The following RGPD2 variants were observed in gnomAD, a reference collection of about 807,000 sequenced individuals.
RGPD2 encodes the protein RANBP2-like and GRIP domain-containing protein 2.
RGPD2 carries 2 observed loss-of-function variants against 36.0 expected under a neutral mutation model. The observed-to-expected ratio is 0.06, with a 90% CI of 0.02 to 0.17. The LOEUF is 0.17. Among genes scored for constraint, RGPD2 ranks in the 10% least tolerant of loss-of-function variants. RGPD2 has a pLI of 1.00. For missense variants in RGPD2, 40 were observed against 464.3 expected (o/e 0.09, Z 8.40); for synonymous variants, 19 against 163.8 (o/e 0.12, Z 6.75).
the RGPD2 span, among the ~76,000 whole-genome samples, chr2:87,971,914 G>A: frequency 6.6e-6 from 1 of 151,568 alleles, no homozygotes; most frequent in Non-Finnish European, 1.5e-5. Context: ...GTCTTGGTTG[G>A]TACACATCAG....
At chr2:87,845,998 C>T in the RGPD2 span, among the ~76,000 whole-genome samples, 1 of 151,164 alleles carries the variant, frequency 6.6e-6, no homozygotes, top group Non-Finnish European at 1.5e-5. Context: ...TTCTTGATTA[C>T]AATTTCAAAA....
At chr2:87,972,679 C>T in the RGPD2 span, 12 of 1,534,056 alleles carry the variant, frequency 7.8e-6, no homozygotes, top group African/African-American at 2.8e-5. Flanking sequence ...GCAGCGGGAA[C>T]GGCAGCGAGG....
chr2:87,985,790 T>C, the RGPD2 span: 1 of 1,611,166 alleles, frequency 6.2e-7, no homozygotes, highest in South Asian at 1.1e-5. Context: ...AAGTCACAAA[T>C]AAATTCCACT....
At chr2:87,872,975 G>C in the RGPD2 span, among the ~76,000 whole-genome samples, 1 of 152,256 alleles carries the variant, frequency 6.6e-6, no homozygotes, top group Non-Finnish European at 1.5e-5. Flanking sequence ...GGCCAGGCTG[G>C]TCTTGAACTC....
chr2:87,881,470 C>A, the RGPD2 span, among the ~76,000 whole-genome samples: 17 of 151,698 alleles, frequency 1.1e-4, no homozygotes, highest in Non-Finnish European at 2.2e-4. Flanking sequence ...GCAGTTGCTG[C>A]CAAGTTTTCT....
chr2:87,957,854 T>C, the RGPD2 span, among the ~76,000 whole-genome samples: 2 of 152,302 alleles, frequency 1.3e-5, no homozygotes, highest in African/African-American at 2.4e-5. Flanking sequence ...ATTGCTTCAT[T>C]CAAAAGAGAA....
the RGPD2 span, among the ~76,000 whole-genome samples, chr2:87,983,526 G>A: frequency 1.1e-3 from 140 of 123,160 alleles, no homozygotes; most frequent in African/African-American, 4.1e-3. Flanking sequence ...CCTGGAGAGA[G>A]AGAGTAGTAA....
intron 21 of RGPD2, among the ~76,000 whole-genome samples, chr2:87,773,185 C>CT (rs1250440832): frequency 8.2e-6 from 1 of 121,330 alleles, no homozygotes; most frequent in Non-Finnish European, 1.8e-5. Flanking sequence ...ATGTAAAACA[C>CT]TATCAGAGAA....
At chr2:87,877,093 T>A in the RGPD2 span, among the ~76,000 whole-genome samples, 2 of 152,250 alleles carry the variant, frequency 1.3e-5, no homozygotes, top group African/African-American at 4.8e-5. Context: ...ATCCTATCTG[T>A]GTCACTGCAT....
the RGPD2 span, among the ~76,000 whole-genome samples, chr2:87,986,551 A>G: frequency 0.58 from 87,345 of 151,290 alleles, 26,740 homozygotes; most frequent in East Asian, 0.83. Flanking sequence ...GCTCCCCTTC[A>G]CTCTTAAAGA....
chr2:87,843,692 C>A, the RGPD2 span, among the ~76,000 whole-genome samples: 2 of 152,276 alleles, frequency 1.3e-5, no homozygotes, highest in African/African-American at 4.8e-5. Flanking sequence ...TACCATTTAA[C>A]CCAGCCATCC....
intron 22 of RGPD2, among the ~76,000 whole-genome samples, chr2:87,758,314 GAA>G (rs1684804004): frequency 9.8e-6 from 1 of 101,560 alleles, no homozygotes; most frequent in Non-Finnish European, 2.0e-5. Flanking sequence ...CTAAAAGAGA[GAA>G]TGTGTGGAAA....
At chr2:87,878,353 C>T in the RGPD2 span, among the ~76,000 whole-genome samples, 3 of 142,358 alleles carry the variant, frequency 2.1e-5, no homozygotes, top group African/African-American at 5.4e-5. Flanking sequence ...TGAAGGATCT[C>T]GTATTGTGTT....
chr2:87,913,807 G>T, the RGPD2 span, among the ~76,000 whole-genome samples: 2 of 152,044 alleles, frequency 1.3e-5, no homozygotes, highest in African/African-American at 4.8e-5. Context: ...AAAAGATAAA[G>T]AGTGGAGAGT....
chr2:87,956,415 A>G, the RGPD2 span, among the ~76,000 whole-genome samples: 1 of 151,146 alleles, frequency 6.6e-6, no homozygotes, highest in Non-Finnish European at 1.5e-5. Context: ...TTATATATGT[A>G]CGTGTGTGTG....
chr2:87,840,396 C>T, the RGPD2 span, among the ~76,000 whole-genome samples: 3 of 146,036 alleles, frequency 2.1e-5, no homozygotes, highest in Non-Finnish European at 4.5e-5. Context: ...TCTCCAAGAA[C>T]TTTGAGATGA....
At chr2:87,824,788 G>C (rs1162611626) in intron 1 of RGPD2, among the ~76,000 whole-genome samples, 367 of 34,474 alleles carry the variant, frequency 0.011, 12 homozygotes, top group African/African-American at 0.092. Context: ...CCGAGGCCGA[G>C]GCCGAGGCCG....
the RGPD2 span, chr2:87,973,071 GCCC>G: frequency 1.2e-6 from 1 of 867,622 alleles, no homozygotes; most frequent in African/African-American, 2.0e-5. Flanking sequence ...ACCACCCCCC[GCCC>G]CCCGCCTCCG....
chr2:87,866,745 C>T, the RGPD2 span, among the ~76,000 whole-genome samples: 4 of 151,868 alleles, frequency 2.6e-5, no homozygotes, highest in Admixed American at 2.6e-4. Flanking sequence ...AATGGCCATG[C>T]AGGGTGGGAG....
Sources: gnomAD v4.1 joint callset for allele counts (sites outside exome capture counted in the v4.1 genomes callset) on GRCh38, gnomAD v4.1.1 for gene constraint, MANE v1.5 for transcripts, NCBI Gene and HGNC (gene_info 2026-07-23, HGNC 2026-07-21) for gene names.